Variants in WNK3 observed in about 807,000 individuals in gnomAD.
The protein encoded by WNK3 is WNK lysine deficient protein kinase 3.
WNK3 carries 18 observed loss-of-function variants against 116.7 expected under a neutral mutation model. That is an observed-to-expected ratio of 0.15 (90% CI 0.11 to 0.23). WNK3 has a LOEUF of 0.23. Ranked by LOEUF, WNK3 falls within the 10% of genes least tolerant of loss-of-function variation. WNK3 has a pLI of 1.00. For missense variants in WNK3, 993 were observed against 1,323.8 expected, an observed-to-expected ratio of 0.75 and a Z score of 3.88; for synonymous variants, 404 against 469.4, an observed-to-expected ratio of 0.86 and a Z score of 1.80.
At position 54,309,285 on chromosome X, in the gene WNK3, T is replaced by C. The variant is rs148578640; in HGVS notation, c.741A>G (p.Pro247=). 190 of 1,209,140 alleles carry C rather than the reference T, an allele frequency of 1.6e-4. No individual in the cohort carries two copies. The African/African-American group carries it at 3.1e-3, about 19-fold the overall frequency. ...GCCTGCACCAGCTCCTTAAGACCTT[T>C]GGTTTCATGACTTTAAATCGTTTTA... Residue 247 remains proline (P), a synonymous_variant, in exon 4 of 24, where the codon CCA becomes CCG. Coordinates refer to ENST00000354646, the Ensembl canonical transcript of WNK3.
chrX:54,353,512 A>G (rs2069547606), intron 1 of WNK3, among the ~76,000 whole-genome samples: 1 of 110,589 alleles, frequency 9.0e-6, no homozygotes, highest in African/African-American at 3.3e-5. Flanking sequence ...TTTGTATTAC[A>G]TGAATTTTAT....
At chrX:54,319,822 AACC>A (rs1223082277) in intron 2 of WNK3, among the ~76,000 whole-genome samples, 2 of 112,245 alleles carry the variant, frequency 1.8e-5, no homozygotes, top group Non-Finnish European at 3.8e-5. Flanking sequence ...TATTAATGAC[AACC>A]ACTTTGGTAG....
chrX:54,276,850 G>A (rs1299556039), intron 10 of WNK3, among the ~76,000 whole-genome samples: 2 of 110,067 alleles, frequency 1.8e-5, no homozygotes, highest in East Asian at 2.9e-4. Context: ...CGAGTGGCTG[G>A]GATTACAAGC....
chrX:54,247,239 C>G (rs1244805724), intron 17 of WNK3, among the ~76,000 whole-genome samples: 1 of 111,259 alleles, frequency 9.0e-6, no homozygotes, highest in Non-Finnish European at 1.9e-5. Context: ...TTGGGAGAGT[C>G]TCCTTCAAGC....
chrX:54,287,272 T>C (rs1348701630), intron 10 of WNK3, among the ~76,000 whole-genome samples: 5 of 112,184 alleles, frequency 4.5e-5, no homozygotes, highest in African/African-American at 1.3e-4. Context: ...AAGAGAACCA[T>C]AGGTTCCAAA....
At chrX:54,269,315 T>C (rs1410432068) in intron 10 of WNK3, among the ~76,000 whole-genome samples, 4 of 111,780 alleles carry the variant, frequency 3.6e-5, no homozygotes, top group Admixed American at 1.9e-4. Flanking sequence ...CTAATAATTA[T>C]ATGAAAAAAC....
intron 1 of WNK3, among the ~76,000 whole-genome samples, chrX:54,334,199 C>A (rs1385306532): frequency 8.9e-6 from 1 of 111,763 alleles, no homozygotes; most frequent in Non-Finnish European, 1.9e-5. Flanking sequence ...ATAGTAGTTT[C>A]TTTTACTGTA....
At chrX:54,237,684 C>A (rs2067978672) in intron 19 of WNK3, 133 bp from the exon 20 acceptor site, 1 of 592,671 alleles carries the variant, frequency 1.7e-6, no homozygotes, top group African/African-American at 2.4e-5. Context: ...TCAATCAGGC[C>A]CCTTGGGTAA....
chrX:54,334,285 A>G (rs1432221043), intron 1 of WNK3, among the ~76,000 whole-genome samples: 1 of 111,936 alleles, frequency 8.9e-6, no homozygotes, highest in Admixed American at 9.6e-5. Flanking sequence ...AAGTACATTC[A>G]CAGTGTTGTG....
At position 54,343,274 on chromosome X, in the gene WNK3, C is replaced by T. The variant is rs1178634720; in HGVS notation, c.-119-9482G>A. ...CTGTAATCCTAGCACTTTGGGAGGC[C>T]GAGGAGGGTGGATCACGAGGTCAGG... On this transcript the variant is annotated intron_variant, in intron 1 of 23. Transcript: ENST00000354646. Among the ~76,000 whole-genome samples the T allele has an allele frequency of 4.5e-5, 5 of 110,549 alleles. 1 individual carries two copies. Among genetic ancestry groups the T allele is most frequent in the Admixed American group, 3.9e-4 (4 of 10,243 alleles).
At chrX:54,262,174 G>A (rs1184129605) in intron 10 of WNK3, among the ~76,000 whole-genome samples, 1 of 111,864 alleles carries the variant, frequency 8.9e-6, no homozygotes, top group African/African-American at 3.2e-5. Context: ...CTTTTGTCAT[G>A]TGTATAAATG....
intron 2 of WNK3, among the ~76,000 whole-genome samples, chrX:54,313,642 G>A (rs1260838843): frequency 1.8e-5 from 2 of 109,833 alleles, no homozygotes; most frequent in African/African-American, 3.3e-5. Context: ...GAGCCACCTC[G>A]CCTGGCACAA....
chrX:54,237,984 C>T (rs1017994130), intron 19 of WNK3, among the ~76,000 whole-genome samples: 14 of 111,353 alleles, frequency 1.3e-4, no homozygotes, highest in African/African-American at 3.6e-4. Context: ...GTAATCCCAG[C>T]ACTTTGGGAG....
rs141805363 is a variant in WNK3 at position 54,348,631 on chromosome X, T to C, written c.-120+9055A>G. ...CCAATTTAAACTCCTACCTCCAACG[T>C]ATGAGTGTCTTTTACCCCAGAGTCT... On this transcript the variant is annotated intron_variant, in intron 1 of 23. Transcript: ENST00000354646. Among the ~76,000 whole-genome samples, 528 of 112,258 alleles carry C rather than the reference T, an allele frequency of 4.7e-3. 2 individuals carry two copies. The highest frequency in any genetic ancestry group is 9.1e-3 in the Middle Eastern group (2 of 219).
In WNK3 at chrX:54,340,980, T is replaced by C. The variant is rs1174835670; in HGVS notation, c.-119-7188A>G. On this transcript the variant is annotated intron_variant, in intron 1 of 23. Coordinates refer to ENST00000354646, the Ensembl canonical transcript of WNK3. ...TCTACCTAAGAGAAATGAAAACATATGTCCACACAAAAACTTGTACAAGTG... is the reference window on the plus strand; with the variant it reads ...TCTACCTAAGAGAAATGAAAACATACGTCCACACAAAAACTTGTACAAGTG... Among the ~76,000 whole-genome samples the C allele has an allele frequency of 6.2e-5, 7 of 112,334 alleles. No individual in the cohort carries two copies. In the South Asian group the frequency reaches 1.1e-3, roughly 18 times the overall value.
intron 22 of WNK3, among the ~76,000 whole-genome samples, chrX:54,208,515 C>A (rs782162172): frequency 1.8e-5 from 2 of 111,293 alleles, no homozygotes; most frequent in African/African-American, 3.3e-5. Flanking sequence ...GCTGTGATTA[C>A]AGGCGTGTGC....
chrX:54,280,252 G>A (rs781904767), intron 10 of WNK3, among the ~76,000 whole-genome samples: 110 of 109,171 alleles, frequency 1.0e-3, no homozygotes, highest in African/African-American at 3.5e-3. Flanking sequence ...AGCCAAGATT[G>A]TGCCACTGCA....
Position 54,327,207 on chromosome X carries a change from A to G in WNK3, c.537+5930T>C, listed in dbSNP as rs193141565. Among the ~76,000 whole-genome samples, 213 of 112,330 alleles carry G rather than the reference A, an allele frequency of 1.9e-3. 2 individuals carry two copies. The highest frequency in any genetic ancestry group is 6.3e-3 in the African/African-American group (195 of 31,006). On this transcript the variant is annotated intron_variant, in intron 2 of 23. Coordinates refer to ENST00000354646, the Ensembl canonical transcript of WNK3. Reference sequence around the variant, plus strand: ...ATCGCTCCCAGTTCTTTGCAGCACCATAAGGTCAATGTATTCTAAACAAAT... The same window carrying G: ...ATCGCTCCCAGTTCTTTGCAGCACCGTAAGGTCAATGTATTCTAAACAAAT...
intron 21 of WNK3, among the ~76,000 whole-genome samples, chrX:54,230,979 G>GA (rs1416292125): frequency 8.9e-6 from 1 of 112,447 alleles, no homozygotes; most frequent in Non-Finnish European, 1.9e-5. Flanking sequence ...TTCTTGGCAT[G>GA]AAAAAGATGA....
Sources: allele counts gnomAD v4.1 joint callset (sites outside exome capture counted in the v4.1 genomes callset), GRCh38; gene constraint gnomAD v4.1.1; transcripts MANE v1.5; gene names NCBI Gene and HGNC (gene_info 2026-07-23, HGNC 2026-07-21).